Variants in NAT1 observed in about 807,000 individuals in gnomAD.
NAT1 encodes N-acetyltransferase 1.
For missense variants in NAT1, 400 were observed against 339.2 expected, an observed-to-expected ratio of 1.18 and a Z score of -1.41; for synonymous variants, 144 against 122.6, an observed-to-expected ratio of 1.17 and a Z score of -1.16.
chr8:18,209,457 G>C (rs755346656), upstream of NAT1, among the ~76,000 whole-genome samples: 1 of 152,208 alleles, frequency 6.6e-6, no homozygotes, highest in Admixed American at 6.5e-5. Flanking sequence ...CATGTATATT[G>C]GGTCAATAAA....
intron 2 of NAT1, among the ~76,000 whole-genome samples, chr8:18,184,053 G>T (rs369727602): frequency 6.6e-6 from 1 of 152,134 alleles, no homozygotes; most frequent in Admixed American, 6.5e-5. Context: ...TGGTGGGGGG[G>T]TCCCTGTTCC....
At chr8:18,181,647 T>C (rs999920769) in intron 2 of NAT1, among the ~76,000 whole-genome samples, 1 of 152,204 alleles carries the variant, frequency 6.6e-6, no homozygotes, top group Non-Finnish European at 1.5e-5. Flanking sequence ...GGCATACTTG[T>C]CTTGTTCCAG....
At chr8:18,176,212 T>C (rs936634176) in intron 2 of NAT1, among the ~76,000 whole-genome samples, 1 of 152,126 alleles carries the variant, frequency 6.6e-6, no homozygotes, top group Non-Finnish European at 1.5e-5. Flanking sequence ...CTGAGTTGAA[T>C]GTGATCCCAA....
At chr8:18,171,746 G>T (rs563423326) in intron 2 of NAT1, among the ~76,000 whole-genome samples, 2 of 152,270 alleles carry the variant, frequency 1.3e-5, no homozygotes, top group Middle Eastern at 3.4e-3. Context: ...TAGAAACATT[G>T]TGGAACATTC....
intron 2 of NAT1, among the ~76,000 whole-genome samples, chr8:18,196,771 T>C (rs1020362148): frequency 9.9e-5 from 15 of 152,232 alleles, no homozygotes; most frequent in Non-Finnish European, 2.2e-4. Context: ...CTTTTTATTA[T>C]TTTAAGAAAG....
intron 2 of NAT1, among the ~76,000 whole-genome samples, chr8:18,173,308 G>A (rs898033389): frequency 7.2e-5 from 11 of 152,192 alleles, no homozygotes; most frequent in Non-Finnish European, 1.3e-4. Flanking sequence ...CCTCGAATGA[G>A]TTCATACTAT....
At chr8:18,197,597 G>C (rs1256152055) in intron 2 of NAT1, among the ~76,000 whole-genome samples, 2 of 152,182 alleles carry the variant, frequency 1.3e-5, no homozygotes, top group Non-Finnish European at 2.9e-5. Flanking sequence ...AGAAACACTG[G>C]TATGTTCTAC....
chr8:18,179,374 A>G (rs191070852), intron 2 of NAT1, among the ~76,000 whole-genome samples: 190 of 152,268 alleles, frequency 1.2e-3, no homozygotes, highest in African/African-American at 4.4e-3. Flanking sequence ...GGTAGAATTG[A>G]AATTTTGGAG....
chr8:18,193,067 ATTTTTTT>A (rs1167481551), intron 2 of NAT1, among the ~76,000 whole-genome samples: 10 of 79,604 alleles, frequency 1.3e-4, no homozygotes, highest in African/African-American at 3.4e-4. Flanking sequence ...ATGAATTAGA[ATTTTTTT>A]TTTTTTTTTT....
intron 2 of NAT1, among the ~76,000 whole-genome samples, chr8:18,181,823 A>C (rs1373060193): frequency 6.6e-6 from 1 of 152,156 alleles, no homozygotes; most frequent in Non-Finnish European, 1.5e-5. Flanking sequence ...CGCTTCAGTC[A>C]GGTAGTGGTG....
At position 18,184,033 on chromosome 8, in the gene NAT1, C is replaced by T. The variant is rs377335708; in HGVS notation, n.92+13294C>T. Among the ~76,000 whole-genome samples the T allele has an allele frequency of 5.9e-5, 9 of 152,032 alleles. No homozygotes were observed. The South Asian group carries it at 8.3e-4, about 14-fold the overall frequency. ...TAGTGGCTCTATGCTTTCAGGGTCC[C>T]GGGGCGGGGTGGTGGGGGGGTCCCT... On this transcript the variant is annotated intron_variant and non_coding_transcript_variant, in intron 2 of 4. Transcript: ENST00000517441.
At chr8:18,179,078 T>A (rs558423870) in intron 2 of NAT1, among the ~76,000 whole-genome samples, 1 of 152,262 alleles carries the variant, frequency 6.6e-6, no homozygotes, top group South Asian at 2.1e-4. Flanking sequence ...CCTTCTCTCT[T>A]GTCCTCTTCC....
At chr8:18,179,311 G>T (rs185176544) in intron 2 of NAT1, among the ~76,000 whole-genome samples, 8 of 152,218 alleles carry the variant, frequency 5.3e-5, no homozygotes, top group Admixed American at 5.2e-4. Flanking sequence ...AAGGTGAAAA[G>T]GTAGATAGGG....
rs184658550 is a variant in NAT1, at chr8:18,216,239, C to T, written c.-85-3172C>T. On this transcript the variant is annotated intron_variant, in intron 1 of 2. Coordinates refer to ENST00000307719, the MANE Select transcript of NAT1 (RefSeq NM_000662.8). ...GAGTGACCTGGGATTTTTATAATTGCCAAACGTTTTGGTTTTAGAGTAGCT... is the reference window on the plus strand; with the variant it reads ...GAGTGACCTGGGATTTTTATAATTGTCAAACGTTTTGGTTTTAGAGTAGCT... Among the ~76,000 whole-genome samples, 246 of 152,236 alleles carry T rather than the reference C, an allele frequency of 1.6e-3. 1 individual carries two copies. Among genetic ancestry groups the T allele is most frequent in the Non-Finnish European group, 2.6e-3 (179 of 68,012 alleles).
At chr8:18,195,707 C>T (rs2117273279) in intron 2 of NAT1, among the ~76,000 whole-genome samples, 1 of 151,888 alleles carries the variant, frequency 6.6e-6, no homozygotes, top group South Asian at 2.1e-4. Context: ...GAGTTAGGGT[C>T]TAAAATAGTG....
chr8:18,222,040 A>G lies in NAT1; in HGVS notation c.-6-2A>G, dbSNP rs746194898. 1 of 1,601,420 alleles carries G rather than the reference A, an allele frequency of 6.2e-7. No individual in the cohort carries two copies. Among genetic ancestry groups the G allele is most frequent in the Non-Finnish European group, 8.5e-7 (1 of 1,172,552 alleles). ...TGCTTTCGTTTTGTTTTCCTTGCTT[A>G]GGGGATCATGGACATTGAAGCATAT... On this transcript the variant is annotated splice_acceptor_variant, in intron 2 of 2. Transcript: ENST00000307719. LOFTEE classifies it low-confidence loss of function (5UTR_SPLICE).
At chr8:18,208,970 T>C (rs773954829), upstream of NAT1, among the ~76,000 whole-genome samples, 4 of 152,122 alleles carry the variant, frequency 2.6e-5, no homozygotes, top group Admixed American at 2.0e-4. Flanking sequence ...AGTGCAGGAG[T>C]TGTCGCGGGA....
chr8:18,186,133 G>C (rs910397998), intron 2 of NAT1, among the ~76,000 whole-genome samples: 3 of 151,638 alleles, frequency 2.0e-5, no homozygotes, highest in South Asian at 2.1e-4. Flanking sequence ...AAGTTTGTTA[G>C]CCATGTTTTA....
upstream of NAT1, among the ~76,000 whole-genome samples, chr8:18,206,578 G>T (rs996144061): frequency 4.6e-5 from 7 of 152,112 alleles, no homozygotes; most frequent in African/African-American, 1.7e-4. Flanking sequence ...AAGTACACAA[G>T]CCCTTTTTTC....
Sources: gnomAD v4.1 joint callset for allele counts (sites outside exome capture counted in the v4.1 genomes callset) on GRCh38, gnomAD v4.1.1 for gene constraint, MANE v1.5 for transcripts, NCBI Gene and HGNC (gene_info 2026-07-23, HGNC 2026-07-21) for gene names.